Variants in SENP2 observed in about 807,000 individuals in gnomAD.
SENP2 encodes SUMO specific peptidase 2.
SENP2 carries 16 observed loss-of-function variants against 86.3 expected under a neutral mutation model. The observed-to-expected ratio is 0.19, with a 90% CI of 0.13 to 0.28. The LOEUF is 0.28. SENP2 is among the 10% of genes least tolerant of loss of function. The pLI is 1.00. For synonymous variants in SENP2, 222 were observed against 238.7 expected, an observed-to-expected ratio of 0.93 and a Z score of 0.64; for missense variants, 552 against 703.0, an observed-to-expected ratio of 0.79 and a Z score of 2.43.
intron 13 of SENP2, among the ~76,000 whole-genome samples, chr3:185,619,738 T>TA (rs1711769860): frequency 6.6e-6 from 1 of 152,042 alleles, no homozygotes; most frequent in African/African-American, 2.4e-5. Flanking sequence ...TACTATTTTT[T>TA]AAAATTACAG....
intron 5 of SENP2, among the ~76,000 whole-genome samples, chr3:185,604,759 T>C (rs952499814): frequency 2.6e-5 from 4 of 151,902 alleles, no homozygotes; most frequent in Admixed American, 1.3e-4. Context: ...ATTTTTTTTC[T>C]TTTCTTTTTT....
chr3:185,626,485 G>C (rs1056553970), intron 16 of SENP2, 92 bp downstream of exon 16: 5 of 853,490 alleles, frequency 5.9e-6, no homozygotes, highest in Non-Finnish European at 9.4e-6. Context: ...CTCAATAGTA[G>C]TAGCTGGCCA....
intron 12 of SENP2, among the ~76,000 whole-genome samples, chr3:185,618,333 A>AC (rs1266672520): frequency 3.3e-5 from 5 of 152,174 alleles, no homozygotes; most frequent in African/African-American, 1.2e-4. Flanking sequence ...ATTTTGCCTA[A>AC]CTTGTCATCT....
intron 4 of SENP2, among the ~76,000 whole-genome samples, chr3:185,599,712 A>G (rs948173410): frequency 6.6e-6 from 1 of 152,190 alleles, no homozygotes; most frequent in South Asian, 2.1e-4. Flanking sequence ...AAACTGTTTT[A>G]AAAAGTACCT....
chr3:185,621,243 A>T, intron 13 of SENP2, among the ~76,000 whole-genome samples: 1 of 133,848 alleles, frequency 7.5e-6, no homozygotes. Flanking sequence ...AAAAAAAAAA[A>T]AAAGTCTCAT....
intron 16 of SENP2, among the ~76,000 whole-genome samples, chr3:185,628,568 G>A (rs1049325397): frequency 2.0e-5 from 3 of 152,154 alleles, no homozygotes; most frequent in Non-Finnish European, 4.4e-5. Context: ...GTGCAATGGC[G>A]CAATCTCAGC....
rs1402147560 is a variant in SENP2, at chr3:185,631,693, A to G, written c.*1849A>G. Reference sequence around the variant, plus strand: ...TGGGACCAGGTAATGAGCACAGCCAAAAAGGCCAGAGGTTCACTAGGTCAG... The same window carrying G: ...TGGGACCAGGTAATGAGCACAGCCAGAAAGGCCAGAGGTTCACTAGGTCAG... On this transcript the variant is annotated 3_prime_UTR_variant, in exon 17 of 17. Coordinates refer to ENST00000296257, the MANE Select transcript of SENP2 (RefSeq NM_021627.3). 8.1e-6 allele frequency: 1 copy of G among 123,942 alleles called. No individual in the cohort carries two copies. The highest frequency in any genetic ancestry group is 1.7e-5 in the Non-Finnish European group (1 of 59,958). 7.7% of individuals were successfully genotyped at this position (123,942 alleles called of 1,614,324 possible). A position where few individuals can be genotyped will look rare whatever the true frequency, so the allele number is the denominator to read the frequency against.
rs1369954755 is a variant in SENP2 at position 185,630,981 on chromosome 3, C to T, written c.*1137C>T. 6.6e-6 allele frequency: 1 copy of T among 152,114 alleles called. No individual in the cohort carries two copies. Among genetic ancestry groups the T allele is most frequent in the South Asian group, 2.1e-4 (1 of 4,824 alleles). The allele number at this position is 152,114 out of a possible 1,614,324, so 9.4% of individuals were successfully genotyped here. ...ATTTAACTTTTTTGTTCATTAAAAA[C>T]CTTACTGATATGGTTATAACTTCAG... On this transcript the variant is annotated 3_prime_UTR_variant, in exon 17 of 17. Coordinates refer to ENST00000296257, the MANE Select transcript of SENP2 (RefSeq NM_021627.3).
intron 7 of SENP2, among the ~76,000 whole-genome samples, chr3:185,610,655 G>C (rs1722657093): frequency 6.6e-6 from 1 of 152,020 alleles, no homozygotes; most frequent in Non-Finnish European, 1.5e-5. Flanking sequence ...AACTATTTTT[G>C]CTTTTTAAAG....
chr3:185,590,087 A>AT, intron 1 of SENP2, 27 bp from the exon 2 acceptor site: 4 of 1,292,550 alleles, frequency 3.1e-6, no homozygotes, highest in South Asian at 1.5e-5. Flanking sequence ...ATCTATATAT[A>AT]TATATTTTTT....
chr3:185,591,749 G>A (rs1451145667), intron 2 of SENP2, among the ~76,000 whole-genome samples: 6 of 149,242 alleles, frequency 4.0e-5, no homozygotes, highest in African/African-American at 4.9e-5. Flanking sequence ...TTTTTTTTTC[G>A]AGACAGGGTC....
In SENP2 at chr3:185,606,295, G is replaced by T. The variant is rs372990775; in HGVS notation, c.450-35G>T. The T allele has an allele frequency of 4.5e-6, 7 of 1,560,110 alleles. No individual in the cohort carries two copies. In the Admixed American group the frequency reaches 5.9e-5, roughly 13 times the overall value. The stretch of plus-strand genomic sequence containing the variant: ...AGATTCCAGCAATTTAAGCAGCTTG[G>T]TGATACTTTTTTTCTTTTTTTTTCT... On this transcript the variant is annotated intron_variant, in intron 5 of 16. Transcript: ENST00000296257.
chr3:185,609,435 C>A (rs1468514433), intron 7 of SENP2, 85 bp downstream of exon 7: 2 of 952,992 alleles, frequency 2.1e-6, no homozygotes, highest in Non-Finnish European at 3.3e-6. Context: ...AAGGGCTTTA[C>A]TGAAAGAAGA....
rs887451421 is a variant in SENP2, at chr3:185,631,944, A to G, written c.*2100A>G. The G allele has an allele frequency of 1.3e-5, 2 of 151,658 alleles. No homozygotes were observed. The highest frequency in any genetic ancestry group is 4.8e-5 in the African/African-American group (2 of 41,288). The allele number at this position is 151,658 out of a possible 1,614,324, so 9.4% of individuals were successfully genotyped here. A position where few individuals can be genotyped will look rare whatever the true frequency, so the allele number is the denominator to read the frequency against. ...CTACACTCTTCCGGACGGCTCTTAA[A>G]ACTTGCAGGACATAATGAAATTGGG... On this transcript the variant is annotated 3_prime_UTR_variant, in exon 17 of 17. Coordinates refer to ENST00000296257, the MANE Select transcript of SENP2 (RefSeq NM_021627.3).
intron 3 of SENP2, 54 bp from the exon 4 acceptor site, chr3:185,598,904 T>C (rs1722258216): frequency 7.3e-7 from 1 of 1,376,580 alleles, no homozygotes; most frequent in Admixed American, 1.8e-5. Context: ...TAATAGAAAG[T>C]TATTTAGGTG....
At chr3:185,609,440 A>G in intron 7 of SENP2, 90 bp downstream of exon 7, 1 of 890,282 alleles carries the variant, frequency 1.1e-6, no homozygotes, top group Non-Finnish European at 1.8e-6. Context: ...CTTTACTGAA[A>G]GAAGAGGTTA....
intron 11 of SENP2, 106 bp downstream of exon 11, chr3:185,614,846 AT>A (rs1711544204): frequency 9.6e-7 from 1 of 1,042,134 alleles, no homozygotes; most frequent in Non-Finnish European, 1.4e-6. Context: ...CTAGGGGTGA[AT>A]ATATGAAAAC....
intron 12 of SENP2, among the ~76,000 whole-genome samples, chr3:185,617,945 T>G (rs1711683247): frequency 6.6e-6 from 1 of 151,092 alleles, no homozygotes. Flanking sequence ...TTGTTTTTGT[T>G]TTTTGGTTTT....
chr3:185,606,499 G>T lies in SENP2; in HGVS notation c.618+1G>T, dbSNP rs1722515316. On this transcript the variant is annotated splice_donor_variant, in intron 6 of 16. Transcript: ENST00000296257. LOFTEE classifies it high-confidence loss of function. ...GCGTCCCCATTGTACTGTGGAGGAG[G>T]TAAGCCTTTTCAGCTTGATTTCTTT... 6.4e-7 allele frequency: 1 copy of T among 1,572,144 alleles called. No homozygotes were observed. The highest frequency in any genetic ancestry group is 1.4e-5 in the African/African-American group (1 of 72,508).
Sources: allele counts gnomAD v4.1 joint callset (sites outside exome capture counted in the v4.1 genomes callset), GRCh38; gene constraint gnomAD v4.1.1; transcripts MANE v1.5; gene names NCBI Gene and HGNC (gene_info 2026-07-23, HGNC 2026-07-21).